SLC13A4: variants seen among roughly 807,000 people sequenced by gnomAD.
The protein encoded by SLC13A4 is Na(+)/sulfate cotransporter SUT-1.
Under a neutral mutation model 72.7 loss-of-function variants are expected in SLC13A4, and 28 were observed. The ratio of observed to expected loss-of-function variants is 0.39; its 90% CI spans 0.29 to 0.53. The LOEUF (loss-of-function observed/expected upper bound fraction) is 0.53, where lower values mean the gene tolerates loss of function less well. SLC13A4 is among the 20% of genes least tolerant of loss of function. The probability of loss-of-function intolerance (pLI) is 0.78; values close to 1 mark genes in which losing one functional copy is unlikely to be tolerated. For synonymous variants in SLC13A4, 312 were observed against 325.5 expected (o/e 0.96, Z 0.45); for missense variants, 653 against 788.0 (o/e 0.83, Z 2.05).
chr7:135,681,535 G>A lies in SLC13A4; in HGVS notation c.*28C>T, dbSNP rs1263298736. 1.2e-6 allele frequency: 2 copies of A among 1,604,936 alleles called. No homozygotes were observed. The highest frequency in any genetic ancestry group is 4.5e-5 in the East Asian group (2 of 44,782). On this transcript the variant is annotated 3_prime_UTR_variant, in exon 16 of 16. Transcript: ENST00000682651. The stretch of plus-strand genomic sequence containing the variant: ...ATACTGCTGGATACTGGCAGCTCCT[G>A]TGGTTGGGCCAGTTTGTACACTTGG...
intron 5 of SLC13A4, chr7:135,703,178 A>G (rs1222453213): frequency 2.9e-5 from 12 of 410,870 alleles, no homozygotes; most frequent in Admixed American, 8.2e-5. Context: ...GTGCACATAT[A>G]TGGGCTTTAA....
intron 8 of SLC13A4, among the ~76,000 whole-genome samples, chr7:135,697,516 C>T (rs1795929358): frequency 6.6e-6 from 1 of 152,158 alleles, no homozygotes; most frequent in African/African-American, 2.4e-5. Context: ...ACCGGCTGCC[C>T]TGGACAACTT....
At chr7:135,685,400 T>G in intron 14 of SLC13A4, 122 bp downstream of exon 14, 2 of 750,660 alleles carry the variant, frequency 2.7e-6, no homozygotes, top group Non-Finnish European at 4.3e-6. Flanking sequence ...CACCAATTAG[T>G]GAAGGCTGTG....
At chr7:135,693,601 A>C (rs1795839463) in intron 10 of SLC13A4, among the ~76,000 whole-genome samples, 1 of 152,212 alleles carries the variant, frequency 6.6e-6, no homozygotes, top group Non-Finnish European at 1.5e-5. Context: ...GCCAATTGCC[A>C]TAAAAGGAGA....
intron 11 of SLC13A4, chr7:135,691,900 C>A: frequency 1.7e-5 from 8 of 467,742 alleles, no homozygotes; most frequent in Non-Finnish European, 2.7e-5. Context: ...TGGGGCAAGT[C>A]CTAGATGGAG....
chr7:135,712,323 C>T (rs1042048359), intron 2 of SLC13A4, among the ~76,000 whole-genome samples: 2 of 151,752 alleles, frequency 1.3e-5, no homozygotes, highest in African/African-American at 4.8e-5. Context: ...GAGACACGGC[C>T]TGGGGCTCAG....
intron 7 of SLC13A4, among the ~76,000 whole-genome samples, chr7:135,699,891 C>A (rs1227767641): frequency 6.6e-6 from 1 of 152,052 alleles, no homozygotes; most frequent in African/African-American, 2.4e-5. Flanking sequence ...TATTTGAACT[C>A]CTGTAAAACT....
At position 135,708,043 on chromosome 7, in the gene SLC13A4, G is replaced by A. The variant is rs201330871; in HGVS notation, c.365+71C>T. The A allele has an allele frequency of 2.0e-4, 308 of 1,559,318 alleles. 2 individuals carry two copies. Among genetic ancestry groups the A allele is most frequent in the Non-Finnish European group, 3.1e-5 (35 of 1,142,164 alleles). On this transcript the variant is annotated intron_variant, in intron 3 of 15. Transcript: ENST00000682651. ...AAGTGGACATCCCGCAGTGACCTGA[G>A]ACCACTGTCCTGGTGGCACACTGGG...
At chr7:135,718,026 A>T (rs1292319106) in intron 2 of SLC13A4, among the ~76,000 whole-genome samples, 1 of 151,554 alleles carries the variant, frequency 6.6e-6, no homozygotes, top group Non-Finnish European at 1.5e-5. Context: ...GTGGCAGCTC[A>T]TGGGATGTCT....
At chr7:135,723,712 C>A (rs1007827690) in intron 1 of SLC13A4, among the ~76,000 whole-genome samples, 2 of 152,116 alleles carry the variant, frequency 1.3e-5, no homozygotes, top group African/African-American at 4.8e-5. Flanking sequence ...TAAGGGGCAG[C>A]AGGAGTGATT....
At chr7:135,699,039 C>G (rs975757841) in intron 8 of SLC13A4, among the ~76,000 whole-genome samples, 1 of 152,002 alleles carries the variant, frequency 6.6e-6, no homozygotes, top group Non-Finnish European at 1.5e-5. Flanking sequence ...TTCCTGGGCT[C>G]CACAATTCTG....
intron 2 of SLC13A4, among the ~76,000 whole-genome samples, chr7:135,713,570 T>C (rs969391775): frequency 6.6e-6 from 1 of 152,134 alleles, no homozygotes; most frequent in Admixed American, 6.6e-5. Context: ...TTTTTAATTA[T>C]GTGTTTTTTA....
Position 135,694,171 on chromosome 7 carries a change from T to A in SLC13A4, c.1087A>T (p.Ile363Phe). 6.2e-7 allele frequency: 1 copy of A among 1,613,032 alleles called. No homozygotes were observed. The highest frequency in any genetic ancestry group is 8.5e-7 in the Non-Finnish European group (1 of 1,179,006). Residue 363 changes from isoleucine to phenylalanine, a missense_variant, in exon 10 of 16, where the codon ATC becomes TTC. Physicochemically the swap from Ile to Phe is conservative, Grantham distance 21 (BLOSUM62 0). Coordinates refer to ENST00000682651, the MANE Select transcript of SLC13A4 (RefSeq NM_001318192.2). ...TKREQLSEKRIQEEYEKLGDI... is the reference protein window; with the variant it reads ...TKREQLSEKRFQEEYEKLGDI... ...CCCAGTTTTTCATATTCTTCTTGGA[T>A]CCTCTTCTCTGACAACTGTTCCCTT... is the stretch of plus-strand genomic sequence containing the variant.
At chr7:135,686,981 C>T (rs562405960) in intron 13 of SLC13A4, among the ~76,000 whole-genome samples, 32 of 152,172 alleles carry the variant, frequency 2.1e-4, no homozygotes, top group African/African-American at 7.0e-4. Context: ...TGCTTGAACC[C>T]GGGAGGCAGA....
At chr7:135,719,781 ATGTGTGTGTG>A (rs968225969) in intron 2 of SLC13A4, among the ~76,000 whole-genome samples, 1 of 146,016 alleles carries the variant, frequency 6.8e-6, no homozygotes, top group Non-Finnish European at 1.5e-5. Flanking sequence ...TCAATGCCAC[ATGTGTGTGTG>A]TGTGTGTGTG....
chr7:135,724,539 G>GAGAGAA (rs1796614485), intron 1 of SLC13A4, among the ~76,000 whole-genome samples: 3 of 148,144 alleles, frequency 2.0e-5, no homozygotes, highest in Non-Finnish European at 4.5e-5. Context: ...AGGAGAGAGA[G>GAGAGAA]AGAAAGAAAG....
chr7:135,694,569 G>A (rs769029440), intron 9 of SLC13A4, among the ~76,000 whole-genome samples: 4 of 152,190 alleles, frequency 2.6e-5, no homozygotes, highest in Admixed American at 6.5e-5. Flanking sequence ...AATAATCAGT[G>A]TAATGTGGTA....
At chr7:135,681,817 T>C in intron 15 of SLC13A4, 117 bp from the exon 16 acceptor site, 1 of 1,381,022 alleles carries the variant, frequency 7.2e-7, no homozygotes, top group Non-Finnish European at 9.8e-7. Context: ...TCCCAGTTGC[T>C]GCCTGGGGTG....
chr7:135,718,005 C>G (rs1216417070), intron 2 of SLC13A4, among the ~76,000 whole-genome samples: 1 of 151,958 alleles, frequency 6.6e-6, no homozygotes, highest in African/African-American at 2.4e-5. Context: ...TCCTGGGTCT[C>G]CAGCTTGCAA....
Sources: gnomAD v4.1 joint callset for allele counts (sites outside exome capture counted in the v4.1 genomes callset) on GRCh38, gnomAD v4.1.1 for gene constraint, MANE v1.5 for transcripts, NCBI Gene and HGNC (gene_info 2026-07-23, HGNC 2026-07-21) for gene names.